The following PDE1C variants were observed in gnomAD, a reference collection of about 807,000 sequenced individuals.
PDE1C encodes phosphodiesterase 1C.
In PDE1C, 62 loss-of-function variants were observed where a neutral mutation model predicts 93.1. The ratio of observed to expected loss-of-function variants is 0.67; its 90% CI spans 0.54 to 0.82. PDE1C has a LOEUF of 0.82. PDE1C is among the 40% of genes least tolerant of loss of function. The pLI is 0.00. For synonymous variants in PDE1C, 325 were observed against 310.1 expected, an observed-to-expected ratio of 1.05 and a Z score of -0.50; for missense variants, 742 against 884.6, an observed-to-expected ratio of 0.84 and a Z score of 2.04.
At chr7:31,657,514 T>C in the PDE1C span, among the ~76,000 whole-genome samples, 1 of 152,226 alleles carries the variant, frequency 6.6e-6, no homozygotes, top group Non-Finnish European at 1.5e-5. Flanking sequence ...TACAAGGAGA[T>C]GAGTTCCACC....
At chr7:32,035,393 A>G (rs970340487) in intron 2 of PDE1C, among the ~76,000 whole-genome samples, 4 of 152,194 alleles carry the variant, frequency 2.6e-5, no homozygotes, top group Non-Finnish European at 5.9e-5. Context: ...CAAATTGGCC[A>G]GAAGCCCCTC....
intron 3 of PDE1C, among the ~76,000 whole-genome samples, chr7:32,081,800 T>C (rs1318239260): frequency 2.0e-5 from 3 of 152,242 alleles, no homozygotes; most frequent in Non-Finnish European, 4.4e-5. Flanking sequence ...CATTGACTGC[T>C]GGTAACCTCA....
At chr7:31,692,047 A>G in the PDE1C span, among the ~76,000 whole-genome samples, 1 of 152,196 alleles carries the variant, frequency 6.6e-6, no homozygotes, top group African/African-American at 2.4e-5. Flanking sequence ...CAGAAAAAAC[A>G]TAGGCAAGGT....
chr7:31,945,752 A>G (rs551718634), intron 2 of PDE1C, among the ~76,000 whole-genome samples: 1 of 152,226 alleles, frequency 6.6e-6, no homozygotes, highest in East Asian at 1.9e-4. Flanking sequence ...TATTACTTCA[A>G]ATATTTCTTC....
intron 1 of PDE1C, among the ~76,000 whole-genome samples, chr7:32,219,052 T>C (rs1806640977): frequency 6.6e-6 from 1 of 152,186 alleles, no homozygotes; most frequent in African/African-American, 2.4e-5. Context: ...TATCAAGGTG[T>C]TTGGTGTTTC....
the PDE1C span, among the ~76,000 whole-genome samples, chr7:31,623,629 CA>C: frequency 0.13 from 17,724 of 138,742 alleles, 1,477 homozygotes; most frequent in Middle Eastern, 0.18. Context: ...CTATCTATGA[CA>C]AACCCACAGC....
intron 2 of PDE1C, among the ~76,000 whole-genome samples, chr7:31,940,987 C>A (rs13226578): frequency 0.11 from 16,302 of 151,754 alleles, 1,083 homozygotes; most frequent in Admixed American, 0.22. Flanking sequence ...GAAATCTATC[C>A]CAGTTAAGCC....
At chr7:32,184,649 T>TGGGGTA (rs925254336) in intron 2 of PDE1C, among the ~76,000 whole-genome samples, 5 of 151,862 alleles carry the variant, frequency 3.3e-5, no homozygotes, top group Non-Finnish European at 5.9e-5. Flanking sequence ...GGGCCTGTTG[T>TGGGGTA]GGGGTAGGGG....
At chr7:32,308,923 A>G (rs1166140740) in intron 1 of PDE1C, among the ~76,000 whole-genome samples, 4 of 151,902 alleles carry the variant, frequency 2.6e-5, no homozygotes, top group Admixed American at 6.6e-5. Flanking sequence ...AGTTGAGAGA[A>G]GAAGGCTTCA....
Position 31,935,978 on chromosome 7 carries a change from A to G in PDE1C, c.129-55118T>C, listed in dbSNP as rs548856917. ...TGATAAAGGGAGGAAACTTCCCTCCACTTCCCACAGGGGAACATAGGAGGG... is the reference window on the plus strand; with the variant it reads ...TGATAAAGGGAGGAAACTTCCCTCCGCTTCCCACAGGGGAACATAGGAGGG... On this transcript the variant is annotated intron_variant, in intron 2 of 17. Coordinates refer to ENST00000396191, the MANE Select transcript of PDE1C (RefSeq NM_001191057.4). 5.9e-5 allele frequency among the ~76,000 whole-genome samples: 9 copies of G among 152,258 alleles called. No homozygotes were observed. In the South Asian group the frequency reaches 1.7e-3, roughly 28 times the overall value.
the PDE1C span, among the ~76,000 whole-genome samples, chr7:31,661,833 C>T: frequency 3.9e-5 from 6 of 152,188 alleles, no homozygotes; most frequent in Admixed American, 1.3e-4. Flanking sequence ...TTATTTCCCT[C>T]TGCCTACTCC....
the PDE1C span, among the ~76,000 whole-genome samples, chr7:31,675,096 G>C: frequency 6.6e-6 from 1 of 152,184 alleles, no homozygotes; most frequent in Non-Finnish European, 1.5e-5. Flanking sequence ...AGTGGTGGAG[G>C]GGGCAGGTGC....
chr7:31,754,328 G>A (rs181072514), intron 17 of PDE1C, among the ~76,000 whole-genome samples: 29 of 152,282 alleles, frequency 1.9e-4, no homozygotes, highest in Middle Eastern at 3.4e-3. Flanking sequence ...CAGTTTGACC[G>A]TTTCTTATGA....
At chr7:32,097,282 G>A (rs1301063300) in intron 3 of PDE1C, among the ~76,000 whole-genome samples, 1 of 152,198 alleles carries the variant, frequency 6.6e-6, no homozygotes, top group African/African-American at 2.4e-5. Flanking sequence ...GCACAGCCCA[G>A]TAAAGGTGAA....
chr7:31,989,525 C>A lies in PDE1C; in HGVS notation c.128+62029G>T, dbSNP rs373888898. Among the ~76,000 whole-genome samples, 7 of 152,226 alleles carry A rather than the reference C, an allele frequency of 4.6e-5. No homozygotes were observed. The South Asian group carries it at 1.5e-3, about 32-fold the overall frequency. ...ATCTAATTTTTCTTCTTCCATTTGG[C>A]GTATATATATGCACAACAATGAGGT... On this transcript the variant is annotated intron_variant, in intron 2 of 17. Transcript: ENST00000396191.
At chr7:32,205,956 A>C (rs1246555857) in intron 2 of PDE1C, among the ~76,000 whole-genome samples, 1 of 152,234 alleles carries the variant, frequency 6.6e-6, no homozygotes, top group Non-Finnish European at 1.5e-5. Flanking sequence ...AACACTCACC[A>C]GGTGGGTCCA....
At chr7:32,196,443 T>C (rs796754868) in intron 2 of PDE1C, among the ~76,000 whole-genome samples, 1 of 152,224 alleles carries the variant, frequency 6.6e-6, no homozygotes, top group African/African-American at 2.4e-5. Flanking sequence ...AAGTCTATGG[T>C]ATATGATAAA....
At chr7:31,776,217 T>C (rs144350418) in intron 16 of PDE1C, among the ~76,000 whole-genome samples, 3 of 152,314 alleles carry the variant, frequency 2.0e-5, no homozygotes, top group Non-Finnish European at 4.4e-5. Flanking sequence ...CTTTACTTGC[T>C]ATTGGAACTC....
At chr7:32,347,972 C>A (rs1052629398) in intron 1 of PDE1C, among the ~76,000 whole-genome samples, 1 of 152,146 alleles carries the variant, frequency 6.6e-6, no homozygotes, top group Non-Finnish European at 1.5e-5. Context: ...AAGAGAAAAA[C>A]CGTACATTTA....
Sources: allele counts gnomAD v4.1 joint callset (sites outside exome capture counted in the v4.1 genomes callset), GRCh38; gene constraint gnomAD v4.1.1; transcripts MANE v1.5; gene names NCBI Gene and HGNC (gene_info 2026-07-23, HGNC 2026-07-21).